The following EPS15L1 variants were observed in gnomAD, a reference collection of about 807,000 sequenced individuals.
EPS15L1 encodes the protein epidermal growth factor receptor substrate 15-like 1.
A neutral mutation model predicts 117.1 loss-of-function variants in EPS15L1; 43 were observed. That is an observed-to-expected ratio of 0.37 (90% CI 0.29 to 0.47). The LOEUF (loss-of-function observed/expected upper bound fraction) is 0.47. Ranked by LOEUF, EPS15L1 falls within the 20% of genes least tolerant of loss-of-function variation. The pLI is 0.99. For synonymous variants in EPS15L1, 459 were observed against 470.5 expected (o/e 0.98, Z 0.32); for missense variants, 981 against 1,164.0 (o/e 0.84, Z 2.29).
chr19:16,432,339 C>T (rs1295336816), intron 7 of EPS15L1, among the ~76,000 whole-genome samples: 2 of 152,068 alleles, frequency 1.3e-5, no homozygotes, highest in Non-Finnish European at 2.9e-5. Context: ...GAGGCCAAGG[C>T]AGGCGGATAA....
At chr19:16,361,399 TG>T (rs2092048902) in intron 23 of EPS15L1, among the ~76,000 whole-genome samples, 1 of 152,150 alleles carries the variant, frequency 6.6e-6, no homozygotes, top group Admixed American at 6.5e-5. Context: ...AGAACCCTAA[TG>T]TAACTTTCGC....
chr19:16,413,941 CTG>C, intron 12 of EPS15L1, 96 bp from the exon 13 acceptor site: 1 of 889,492 alleles, frequency 1.1e-6, no homozygotes, highest in East Asian at 2.6e-5. Flanking sequence ...AAAAGCCCCT[CTG>C]TGTGCTGGCA....
Position 16,370,867 on chromosome 19 carries a change from C to T in EPS15L1, c.2380+6255G>A, listed in dbSNP as rs1335862240. On this transcript the variant is annotated intron_variant, in intron 22 of 23. Coordinates refer to ENST00000455140, the MANE Select transcript of EPS15L1 (RefSeq NM_001258374.3). The surrounding 1 kb of genome is among the most constrained non-coding windows in gnomAD (Gnocchi z 5.2). ...CACAGCAGTGCTGGGGGATGGGGGG[C>T]GTGGGCAGGAAAGAGGGACTCCACC... 6.6e-6 allele frequency among the ~76,000 whole-genome samples: 1 copy of T among 152,192 alleles called. No homozygotes were observed. The highest frequency in any genetic ancestry group is 1.9e-4 in the East Asian group (1 of 5,180).
chr19:16,416,214 G>C lies in EPS15L1; in HGVS notation c.1193+1338C>G, dbSNP rs190644555. ...TAGGACCAGGATCCATCCTCCCTGGGAAAGTCAAAGCCCTTTCCATTTTCA... is the reference window on the plus strand; with the variant it reads ...TAGGACCAGGATCCATCCTCCCTGGCAAAGTCAAAGCCCTTTCCATTTTCA... On this transcript the variant is annotated intron_variant, in intron 12 of 23. Coordinates refer to ENST00000455140, the MANE Select transcript of EPS15L1 (RefSeq NM_001258374.3). Among the ~76,000 whole-genome samples, 18 of 152,202 alleles carry C rather than the reference G, an allele frequency of 1.2e-4. No homozygotes were observed. In the East Asian group the frequency reaches 3.3e-3, roughly 28 times the overall value.
chr19:16,465,519 C>CA (rs1305645316), intron 1 of EPS15L1, among the ~76,000 whole-genome samples: 2 of 151,894 alleles, frequency 1.3e-5, no homozygotes, highest in African/African-American at 2.4e-5. Flanking sequence ...CCTGTCTCTA[C>CA]AAAAAAATTA....
At chr19:16,453,429 T>C (rs766438871) in intron 1 of EPS15L1, among the ~76,000 whole-genome samples, 9 of 152,050 alleles carry the variant, frequency 5.9e-5, no homozygotes, top group Non-Finnish European at 1.0e-4. Context: ...TAAAGGCCAT[T>C]TGGGCTGGGC....
intron 13 of EPS15L1, among the ~76,000 whole-genome samples, chr19:16,406,418 T>C (rs1460958706): frequency 5.3e-5 from 8 of 152,102 alleles, no homozygotes. Flanking sequence ...ATCAAGGTGG[T>C]ATTTAAACAC....
Position 16,371,536 on chromosome 19 carries a change from G to C in EPS15L1, c.2380+5586C>G, listed in dbSNP as rs531124638. Among the ~76,000 whole-genome samples the C allele has an allele frequency of 2.6e-5, 4 of 152,284 alleles. No individual in the cohort carries two copies. The highest frequency in any genetic ancestry group is 9.6e-5 in the African/African-American group (4 of 41,548). On this transcript the variant is annotated intron_variant, in intron 22 of 23. Transcript: ENST00000455140. The surrounding 1 kb of genome is among the most constrained non-coding windows in gnomAD (Gnocchi z 4.7). ...GCGGCTTTGTTTAGGAGGTGAAAAG[G>C]TCATTAGCAGTAATAAAATAATCAT...
In EPS15L1 at chr19:16,441,904, A is replaced by G. The variant is rs745534131; in HGVS notation, c.153T>C (p.Ile51=). The change falls in exon 3 of 24, where the codon ATT becomes ATC. Residue 51 remains isoleucine, a synonymous_variant. Transcript: ENST00000455140. ...LFLKKSGLSD[I]ILGKIWDLAD... is the part of the protein sequence containing the mutation. ...CATCTTCACATACCTTCCCAAGGAT[A>G]ATGTCCGAGAGGCCAGACTTCTTTA... 1.2e-6 allele frequency: 2 copies of G among 1,613,264 alleles called. No individual in the cohort carries two copies. The highest frequency in any genetic ancestry group is 2.2e-5 in the South Asian group (2 of 91,004).
chr19:16,393,890 C>G, intron 18 of EPS15L1, 61 bp downstream of exon 18: 2 of 1,526,858 alleles, frequency 1.3e-6, no homozygotes, highest in South Asian at 2.2e-5. Context: ...CCACCACATG[C>G]GACTTCTGAG....
At position 16,371,660 on chromosome 19, in the gene EPS15L1, G is replaced by T. The variant is rs547168712; in HGVS notation, c.2380+5462C>A. Among the ~76,000 whole-genome samples the T allele has an allele frequency of 6.6e-6, 1 of 152,216 alleles. No individual in the cohort carries two copies. The highest frequency in any genetic ancestry group is 2.4e-5 in the African/African-American group (1 of 41,456). On this transcript the variant is annotated intron_variant, in intron 22 of 23. Coordinates refer to ENST00000455140, the MANE Select transcript of EPS15L1 (RefSeq NM_001258374.3). The surrounding 1 kb of genome is among the most constrained non-coding windows in gnomAD (Gnocchi z 4.7). ...CAGGCAGGAACCGCAACGCAGGGCC[G>T]CGCTGGCAGGAAGTGGCAAGGGTGG... is the stretch of plus-strand genomic sequence containing the variant.
intron 16 of EPS15L1, chr19:16,401,525 A>G (rs925890028): frequency 2.0e-6 from 2 of 985,624 alleles, no homozygotes; most frequent in Non-Finnish European, 2.4e-6. Context: ...ACATCCAGAC[A>G]TGCGCGGCCC....
At chr19:16,385,004 C>T in intron 21 of EPS15L1, 125 bp downstream of exon 21, 2 of 781,880 alleles carry the variant, frequency 2.6e-6, no homozygotes, top group Non-Finnish European at 4.4e-6. Flanking sequence ...CAGACCTGAC[C>T]TTGTGTTGGA....
At chr19:16,425,579 C>T (rs185860524) in intron 8 of EPS15L1, among the ~76,000 whole-genome samples, 42 of 152,360 alleles carry the variant, frequency 2.8e-4, no homozygotes, top group African/African-American at 7.5e-4. Flanking sequence ...CATCCCTTCA[C>T]CACTCAGGGA....
rs374304767 is a variant in EPS15L1 at position 16,392,341 on chromosome 19, G to C, written c.2066C>G (p.Ser689Trp). The C allele has an allele frequency of 1.2e-6, 2 of 1,614,090 alleles. No homozygotes were observed. Among genetic ancestry groups the C allele is most frequent in the Admixed American group, 1.7e-5 (1 of 60,010 alleles). ...KKQTKNDPFTSDPFTKNPSLP... is the reference protein window; with the variant it reads ...KKQTKNDPFTWDPFTKNPSLP... The stretch of plus-strand genomic sequence containing the variant: ...GGAAGGGTTTTTCGTGAATGGATCC[G>C]AGGTAAATGGGTCATTCTTTGTCTG... Residue 689 changes from serine to tryptophan, a missense_variant, in exon 19 of 24, where the codon TCG becomes TGG. By Grantham distance (177) the Ser-to-Trp change is radical. This residue lies in a region of EPS15L1 where 819 missense variants were observed against 949.0 expected (regional missense o/e 0.86). Coordinates refer to ENST00000455140, the MANE Select transcript of EPS15L1 (RefSeq NM_001258374.3).
At chr19:16,461,970 G>A (rs1035550305) in intron 1 of EPS15L1, among the ~76,000 whole-genome samples, 1 of 152,220 alleles carries the variant, frequency 6.6e-6, no homozygotes, top group Non-Finnish European at 1.5e-5. Flanking sequence ...AGCCTACTAT[G>A]TGCCAGGAGC....
At chr19:16,403,483 C>T (rs1370944929) in intron 15 of EPS15L1, among the ~76,000 whole-genome samples, 2 of 152,194 alleles carry the variant, frequency 1.3e-5, no homozygotes, top group Admixed American at 1.3e-4. Context: ...CCACCCCACC[C>T]CGCCTACTCC....
chr19:16,456,709 G>A (rs892909254), intron 1 of EPS15L1, among the ~76,000 whole-genome samples: 13 of 152,124 alleles, frequency 8.5e-5, no homozygotes, highest in African/African-American at 2.9e-4. Context: ...TGGGCTTCAG[G>A]AAGGGCAGGC....
chr19:16,369,108 C>T (rs1254717219), intron 22 of EPS15L1, among the ~76,000 whole-genome samples: 1 of 152,190 alleles, frequency 6.6e-6, no homozygotes, highest in Non-Finnish European at 1.5e-5. Context: ...CAACGTCTTC[C>T]TCTGGCTCCC....
Sources: allele counts gnomAD v4.1 joint callset (sites outside exome capture counted in the v4.1 genomes callset), GRCh38; gene constraint gnomAD v4.1.1; regional missense constraint gnomAD v4.1.1; non-coding constraint Gnocchi (gnomAD v3.1); transcripts MANE v1.5; gene names NCBI Gene and HGNC (gene_info 2026-07-23, HGNC 2026-07-21).